Variants in IMMP2L observed in about 807,000 individuals in gnomAD.
IMMP2L encodes mitochondrial inner membrane protease subunit 2.
Under a neutral mutation model 19.3 loss-of-function variants are expected in IMMP2L, and 18 were observed. That is an observed-to-expected ratio of 0.93 (90% CI 0.64 to 1.38). The LOEUF is 1.38. Among genes scored for constraint, IMMP2L ranks in the 40% most tolerant of loss-of-function variants. The probability of loss-of-function intolerance (pLI) is 0.00; values close to 1 mark genes in which losing one functional copy is unlikely to be tolerated. For synonymous variants in IMMP2L, 76 were observed against 73.0 expected (o/e 1.04, Z -0.21); for missense variants, 233 against 218.2 (o/e 1.07, Z -0.43).
intron 3 of IMMP2L, among the ~76,000 whole-genome samples, chr7:111,206,502 T>G (rs1810725886): frequency 6.6e-6 from 1 of 152,170 alleles, no homozygotes; most frequent in Non-Finnish European, 1.5e-5. Context: ...TTTTTTTTAA[T>G]TCTTAGTTTT....
rs1028942105 is a variant in IMMP2L at position 110,758,499 on chromosome 7, A to G, written c.409-94778T>C. Among the ~76,000 whole-genome samples, 14 of 152,078 alleles carry G rather than the reference A, an allele frequency of 9.2e-5. No individual in the cohort carries two copies. The highest frequency in any genetic ancestry group is 2.9e-4 in the African/African-American group (12 of 41,430). ...AGAATTGCTAAAGCCATGTCCTTGTAGGTGAAAGGGGATGAGTCTAGTAAA... is the reference window on the plus strand; with the variant it reads ...AGAATTGCTAAAGCCATGTCCTTGTGGGTGAAAGGGGATGAGTCTAGTAAA... On this transcript the variant is annotated intron_variant, in intron 5 of 5. Coordinates refer to ENST00000405709, the MANE Select transcript of IMMP2L (RefSeq NM_032549.4). The surrounding 1 kb of genome is among the most constrained non-coding windows in gnomAD (Gnocchi z 4.6).
At chr7:110,863,848 A>G (rs1345566610) in intron 5 of IMMP2L, among the ~76,000 whole-genome samples, 1 of 152,104 alleles carries the variant, frequency 6.6e-6, no homozygotes, top group Non-Finnish European at 1.5e-5. Context: ...CAAGTCGAGG[A>G]GCATCTGTAC....
chr7:111,535,363 GA>G (rs1847792509), intron 1 of IMMP2L, among the ~76,000 whole-genome samples: 1 of 151,968 alleles, frequency 6.6e-6, no homozygotes, highest in African/African-American at 2.4e-5. Context: ...GAAGAGGAAA[GA>G]AAAAAACTGC....
chr7:110,716,127 C>T (rs543393632), intron 5 of IMMP2L, among the ~76,000 whole-genome samples: 2 of 151,638 alleles, frequency 1.3e-5, no homozygotes, highest in Admixed American at 6.6e-5. Context: ...CTTTTCCCAA[C>T]CCCCAAAATA....
chr7:111,226,434 C>A (rs1260679598), intron 3 of IMMP2L, among the ~76,000 whole-genome samples: 1 of 152,014 alleles, frequency 6.6e-6, no homozygotes, highest in African/African-American at 2.4e-5. Context: ...TCCCAAAGTA[C>A]CAGGATTACA....
chr7:111,548,137 T>C (rs1046541596), intron 1 of IMMP2L, among the ~76,000 whole-genome samples: 1 of 152,074 alleles, frequency 6.6e-6, no homozygotes, highest in African/African-American at 2.4e-5. Flanking sequence ...AGGGAGAGAA[T>C]ATTATCTATC....
At chr7:111,366,959 T>C (rs1829824787) in intron 3 of IMMP2L, among the ~76,000 whole-genome samples, 1 of 151,718 alleles carries the variant, frequency 6.6e-6, no homozygotes, top group Non-Finnish European at 1.5e-5. Context: ...AGGTATTCTT[T>C]GTACCATCTT....
intron 5 of IMMP2L, among the ~76,000 whole-genome samples, chr7:110,810,705 G>C (rs1801978334): frequency 6.6e-6 from 1 of 152,044 alleles, no homozygotes; most frequent in Non-Finnish European, 1.5e-5. Flanking sequence ...CAGTGGCAGA[G>C]TTTGAAGCTT....
chr7:110,994,889 A>C (rs776535288), intron 3 of IMMP2L, among the ~76,000 whole-genome samples: 1 of 152,152 alleles, frequency 6.6e-6, no homozygotes, highest in Non-Finnish European at 1.5e-5. Flanking sequence ...AGAAAGGTTC[A>C]ATTGATATTA....
chr7:110,740,958 T>G (rs546659112), intron 5 of IMMP2L, among the ~76,000 whole-genome samples: 7 of 150,804 alleles, frequency 4.6e-5, no homozygotes, highest in Non-Finnish European at 4.4e-5. Context: ...GTAGATCTAC[T>G]CTTTGATCCA....
chr7:110,738,579 C>T (rs180708378), intron 5 of IMMP2L, among the ~76,000 whole-genome samples: 3 of 152,298 alleles, frequency 2.0e-5, no homozygotes, highest in South Asian at 2.1e-4. Context: ...CTATGTTAAA[C>T]GTCCAAACCT....
rs1814631831 is a variant in IMMP2L at position 110,924,435 on chromosome 7, C to T, written c.306-37740G>A. ...GACATACCAGACTCATTAAAGGGGC[C>T]CCATCCTTCTGGCCAGTCACAAGGT... On this transcript the variant is annotated intron_variant, in intron 4 of 5. Transcript: ENST00000405709. This position sits in a 1 kb window ranked among gnomAD's most constrained non-coding sequence, Gnocchi z 4.2. Among the ~76,000 whole-genome samples the T allele has an allele frequency of 6.6e-6, 1 of 152,054 alleles. No individual in the cohort carries two copies. Among genetic ancestry groups the T allele is most frequent in the South Asian group, 2.1e-4 (1 of 4,824 alleles).
chr7:111,539,839 A>G lies in IMMP2L; in HGVS notation c.-2-18390T>C, dbSNP rs74424347. ...GACTAAATTCAACTGTCAGCTTTAT[A>G]GGCCTTTCTTTGTGCTAAAATGAGA... is the stretch of plus-strand genomic sequence containing the variant. On this transcript the variant is annotated intron_variant, in intron 1 of 5. Transcript: ENST00000405709. Among the ~76,000 whole-genome samples the G allele has an allele frequency of 2.1e-3, 324 of 152,330 alleles. 3 individuals are homozygous for G. Among genetic ancestry groups the G allele is most frequent in the African/African-American group, 7.4e-3 (307 of 41,586 alleles).
intron 3 of IMMP2L, chr7:111,122,602 T>C (rs974092787): frequency 1.3e-5 from 8 of 597,120 alleles, no homozygotes; most frequent in Non-Finnish European, 2.4e-5. Flanking sequence ...TTTTGGACAA[T>C]GCAATTGTGG....
chr7:111,553,920 C>T (rs1790958402), intron 1 of IMMP2L, among the ~76,000 whole-genome samples: 1 of 152,112 alleles, frequency 6.6e-6, no homozygotes. Context: ...CTCTTTTGAG[C>T]CATATAACTT....
At chr7:111,010,118 A>G (rs1004108654) in intron 3 of IMMP2L, among the ~76,000 whole-genome samples, 1 of 152,138 alleles carries the variant, frequency 6.6e-6, no homozygotes, top group Non-Finnish European at 1.5e-5. Flanking sequence ...TAGATTTTAC[A>G]GGCAAAGTAA....
chr7:110,744,548 T>C (rs1797200764), intron 5 of IMMP2L, among the ~76,000 whole-genome samples: 1 of 152,094 alleles, frequency 6.6e-6, no homozygotes, highest in South Asian at 2.1e-4. Context: ...TTCCAGAGGA[T>C]AGAATAGGCA....
chr7:110,993,336 C>T (rs1242188528), intron 3 of IMMP2L, among the ~76,000 whole-genome samples: 5 of 152,120 alleles, frequency 3.3e-5, no homozygotes, highest in Non-Finnish European at 7.4e-5. Flanking sequence ...CTGCTCTAAA[C>T]AGGTCTCACA....
rs147801894 is a variant in IMMP2L, at chr7:111,109,294, C to T, written c.240-145729G>A. Among the ~76,000 whole-genome samples the T allele has an allele frequency of 3.7e-3, 566 of 151,362 alleles. 2 individuals carry two copies. The highest frequency in any genetic ancestry group is 4.6e-3 in the Non-Finnish European group (314 of 67,840). ...TTCAAGTCAGGTTTCCAAGGTATGA[C>T]GGAGGCACATCTCATACAAGAGCAA... On this transcript the variant is annotated intron_variant, in intron 3 of 5. Coordinates refer to ENST00000405709, the MANE Select transcript of IMMP2L (RefSeq NM_032549.4).
Sources: gnomAD v4.1 joint callset for allele counts (sites outside exome capture counted in the v4.1 genomes callset) on GRCh38, gnomAD v4.1.1 for gene constraint, Gnocchi (gnomAD v3.1) non-coding constraint, MANE v1.5 for transcripts, NCBI Gene and HGNC (gene_info 2026-07-23, HGNC 2026-07-21) for gene names.